KIF1B: variants seen among roughly 807,000 people sequenced by gnomAD.
KIF1B encodes the protein kinesin family member 1B, also known as kinesin-like protein KIF1B.
Under a neutral mutation model 241.9 loss-of-function variants are expected in KIF1B, and 76 were observed. That is an observed-to-expected ratio of 0.31 (90% CI 0.26 to 0.38). KIF1B has a LOEUF of 0.38. Ranked by LOEUF, KIF1B falls within the 10% of genes least tolerant of loss-of-function variation. The probability of loss-of-function intolerance (pLI) is 1.00; values close to 1 mark genes in which losing one functional copy is unlikely to be tolerated. For missense variants in KIF1B, 1,622 were observed against 2,271.4 expected (o/e 0.71, Z 5.81); for synonymous variants, 750 against 796.7 (o/e 0.94, Z 0.99).
chr1:10,355,889 A>G (rs1278452513), intron 38 of KIF1B, among the ~76,000 whole-genome samples: 1 of 152,120 alleles, frequency 6.6e-6, no homozygotes, highest in Non-Finnish European at 1.5e-5. Flanking sequence ...TATTTTATAT[A>G]TATTTTTTAA....
In KIF1B at chr1:10,210,737, G is replaced by C. The variant is rs1646681298; in HGVS notation, c.-221G>C. 6.6e-6 allele frequency: 1 copy of C among 150,630 alleles called. No individual in the cohort carries two copies. Among genetic ancestry groups the C allele is most frequent in the African/African-American group, 2.4e-5 (1 of 41,284 alleles). 9.3% of individuals were successfully genotyped at this position (150,630 alleles called of 1,614,324 possible). On this transcript the variant is annotated 5_prime_UTR_variant, in exon 1 of 49. Coordinates refer to ENST00000676179, the MANE Select transcript of KIF1B (RefSeq NM_001365951.3). This position sits in a 1 kb window ranked among gnomAD's most constrained non-coding sequence, Gnocchi z 4.1. Reference sequence around the variant, plus strand: ...CCTCGATGCGGTGCCGGGCTGCTGCGTGATGGGGCTGCGGAGCGGCGCCCT... The same window carrying C: ...CCTCGATGCGGTGCCGGGCTGCTGCCTGATGGGGCTGCGGAGCGGCGCCCT...
chr1:10,276,425 A>G (rs375685812), intron 12 of KIF1B, 26 bp downstream of exon 12: 271 of 1,523,674 alleles, frequency 1.8e-4, no homozygotes, highest in Middle Eastern at 1.4e-3. Context: ...CTCAGTAACA[A>G]CATAGACCAC....
chr1:10,296,483 T>G, intron 19 of KIF1B, 99 bp from the exon 20 acceptor site: 1 of 989,544 alleles, frequency 1.0e-6, no homozygotes, highest in Non-Finnish European at 1.6e-6. Flanking sequence ...ATTGCAGGGA[T>G]TTATTCTACT....
chr1:10,220,345 T>C (rs940784194), intron 1 of KIF1B, among the ~76,000 whole-genome samples: 4 of 151,708 alleles, frequency 2.6e-5, no homozygotes, highest in African/African-American at 9.7e-5. Context: ...TACTCCAGCC[T>C]GGGCAACAGA....
intron 22 of KIF1B, among the ~76,000 whole-genome samples, chr1:10,315,816 G>A (rs575531677): frequency 1.6e-4 from 24 of 151,258 alleles, no homozygotes; most frequent in Non-Finnish European, 2.8e-4. Flanking sequence ...AGCGCTTTGG[G>A]AGGCCGAGAC....
chr1:10,247,213 C>T (rs1382594201), intron 2 of KIF1B, among the ~76,000 whole-genome samples: 1 of 152,204 alleles, frequency 6.6e-6, no homozygotes, highest in Non-Finnish European at 1.5e-5. Flanking sequence ...GGCCACACAG[C>T]CTCACAGAAT....
Position 10,374,845 on chromosome 1 carries a change from C to A in KIF1B, c.5097-9C>A. ...GAGAAACTAACTTTTGTCATATTGT[C>A]GTTTTTAGCTCAGTGGTCTCTAAGA... On this transcript the variant is annotated splice_polypyrimidine_tract_variant and intron_variant, in intron 46 of 48. Transcript: ENST00000676179. The surrounding 1 kb of genome is among the most constrained non-coding windows in gnomAD (Gnocchi z 4.3). The A allele has an allele frequency of 6.2e-7, 1 of 1,613,320 alleles. No homozygotes were observed. The highest frequency in any genetic ancestry group is 1.1e-5 in the South Asian group (1 of 91,008).
At chr1:10,266,632 A>G (rs17034627) in intron 5 of KIF1B, among the ~76,000 whole-genome samples, 5,359 of 152,296 alleles carry the variant, frequency 0.035, 114 homozygotes, top group Middle Eastern at 0.13. Context: ...GCTCTGTAAT[A>G]TTGATATTGT....
chr1:10,250,161 A>G (rs1571137286), intron 2 of KIF1B, among the ~76,000 whole-genome samples: 1 of 152,212 alleles, frequency 6.6e-6, no homozygotes, highest in African/African-American at 2.4e-5. Context: ...ATATTATCAT[A>G]CCTACTGAAT....
At chr1:10,286,846 T>G (rs1649739176) in intron 15 of KIF1B, among the ~76,000 whole-genome samples, 1 of 152,146 alleles carries the variant, frequency 6.6e-6, no homozygotes, top group South Asian at 2.1e-4. Context: ...TTGGAATTTT[T>G]TTTTTTTCAA....
intron 22 of KIF1B, among the ~76,000 whole-genome samples, chr1:10,316,469 C>G (rs1025248265): frequency 2.0e-5 from 3 of 151,460 alleles, no homozygotes; most frequent in African/African-American, 7.4e-5. Context: ...GCATCTTTTA[C>G]TCAATTATTT....
intron 10 of KIF1B, among the ~76,000 whole-genome samples, chr1:10,274,671 T>A (rs374204889): frequency 6.6e-6 from 1 of 152,182 alleles, no homozygotes; most frequent in East Asian, 1.9e-4. Context: ...ACATCCAACC[T>A]GGAATGCACA....
At position 10,342,069 on chromosome 1, in the gene KIF1B, A is replaced by T; in HGVS notation, c.3533A>T (p.Glu1178Val). The change falls in exon 33 of 49, where the codon GAA becomes GTA. Residue 1178 changes from glutamate to valine, a missense_variant. Glu to Val is a moderately radical substitution (Grantham distance 121). Coordinates refer to ENST00000676179, the MANE Select transcript of KIF1B (RefSeq NM_001365951.3). Reference protein sequence around the residue: ...HVQNIAVEITESFVDYIKTKP... With the variant: ...HVQNIAVEITVSFVDYIKTKP... ...CTTTAGATTGCAGTGGAGATCACTG[A>T]ATCATTTGTGGATTACATCAAAACC... The T allele has an allele frequency of 6.2e-7, 1 of 1,608,514 alleles. No homozygotes were observed. The highest frequency in any genetic ancestry group is 8.5e-7 in the Non-Finnish European group (1 of 1,174,892).
At chr1:10,311,872 A>C (rs1429795612) in intron 22 of KIF1B, among the ~76,000 whole-genome samples, 2 of 151,538 alleles carry the variant, frequency 1.3e-5, no homozygotes, top group African/African-American at 2.4e-5. Flanking sequence ...CATGTATTAC[A>C]TGTATTAATA....
At chr1:10,215,152 ATATATATATATATATATATATTT>A (rs1646746928) in intron 1 of KIF1B, among the ~76,000 whole-genome samples, 1 of 61,028 alleles carries the variant, frequency 1.6e-5, no homozygotes, top group African/African-American at 1.1e-4. Flanking sequence ...ATATATATAT[ATATATATATATATATATATATTT>A]TTTTTTTTTT....
chr1:10,375,911 C>T (rs1020376775), intron 48 of KIF1B, among the ~76,000 whole-genome samples: 4 of 150,386 alleles, frequency 2.7e-5, no homozygotes, highest in South Asian at 2.1e-4. Flanking sequence ...ATTCTCCTGC[C>T]TCAGTCTCCT....
Position 10,295,089 on chromosome 1 carries a change from C to G in KIF1B, c.1594C>G (p.Pro532Ala), listed in dbSNP as rs201500946. 362 of 1,602,556 alleles carry G rather than the reference C, an allele frequency of 2.3e-4. No individual in the cohort carries two copies. Among genetic ancestry groups the G allele is most frequent in the Admixed American group, 3.3e-4 (20 of 59,998 alleles). The change falls in exon 18 of 49, where the codon CCA becomes GCA. Residue 532 changes from proline (P) to alanine (A), a missense_variant. Coordinates refer to ENST00000676179, the MANE Select transcript of KIF1B (RefSeq NM_001365951.3). Reference sequence around the variant, plus strand: ...GATCATCTGTAATCTTTTTCAGACCCCACATCTTGTTAACCTCAATGAAGA... The same window carrying G: ...GATCATCTGTAATCTTTTTCAGACCGCACATCTTGTTAACCTCAATGAAGA... ...TLGVFSPKKT[P>A]HLVNLNEDPL...
chr1:10,230,433 T>G (rs1053369446), intron 1 of KIF1B, among the ~76,000 whole-genome samples: 1 of 142,688 alleles, frequency 7.0e-6, no homozygotes, highest in African/African-American at 2.6e-5. Flanking sequence ...GGTTGTTTTT[T>G]TTTTCTTTCT....
intron 1 of KIF1B, among the ~76,000 whole-genome samples, chr1:10,231,620 C>G (rs1055636461): frequency 2.6e-5 from 4 of 151,996 alleles, no homozygotes; most frequent in African/African-American, 9.7e-5. Flanking sequence ...CTCCTGACCT[C>G]AAGTGATCCG....
Sources: gnomAD v4.1 joint callset for allele counts (sites outside exome capture counted in the v4.1 genomes callset) on GRCh38, gnomAD v4.1.1 for gene constraint, Gnocchi (gnomAD v3.1) non-coding constraint, MANE v1.5 for transcripts, NCBI Gene and HGNC (gene_info 2026-07-23, HGNC 2026-07-21) for gene names.